Variants in SUZ12 observed in about 807,000 individuals in gnomAD.
The protein encoded by SUZ12 is SUZ12 polycomb repressive complex 2 subunit.
In SUZ12, 17 loss-of-function variants were observed where a neutral mutation model predicts 87.3. The observed-to-expected ratio is 0.19, with a 90% CI of 0.13 to 0.29. The LOEUF (loss-of-function observed/expected upper bound fraction) is 0.29, where lower values mean the gene tolerates loss of function less well. SUZ12 is among the 10% of genes least tolerant of loss of function. The pLI, the probability that SUZ12 is intolerant of heterozygous loss-of-function variation, is 1.00. For missense variants in SUZ12, 526 were observed against 912.2 expected (o/e 0.58, Z 5.45); for synonymous variants, 253 against 312.4 (o/e 0.81, Z 2.01).
chr17:31,957,934 G>T (rs1235771809), intron 4 of SUZ12, among the ~76,000 whole-genome samples: 44 of 93,346 alleles, frequency 4.7e-4, no homozygotes, highest in African/African-American at 1.6e-3. Flanking sequence ...ACAGAGTCTT[G>T]CTCTGTCGCC....
chr17:31,959,358 T>C (rs1475048298), intron 4 of SUZ12, among the ~76,000 whole-genome samples: 2 of 152,216 alleles, frequency 1.3e-5, no homozygotes, highest in African/African-American at 4.8e-5. Context: ...CTTTGTTTGC[T>C]TCACAGTACT....
At chr17:31,949,678 T>TTTTG (rs1173758666) in intron 4 of SUZ12, among the ~76,000 whole-genome samples, 3 of 34,020 alleles carry the variant, frequency 8.8e-5, no homozygotes, top group African/African-American at 4.6e-4. Flanking sequence ...CCCCCCCCCT[T>TTTTG]TTTTTTTTTT....
rs143334242 is a variant in SUZ12 at position 31,948,677 on chromosome 17, A to G, written c.455+992A>G. Among the ~76,000 whole-genome samples, 760 of 146,846 alleles carry G rather than the reference A, an allele frequency of 5.2e-3. 4 individuals are homozygous for G. The highest frequency in any genetic ancestry group is 0.017 in the African/African-American group (660 of 39,864). On this transcript the variant is annotated intron_variant, in intron 4 of 15. Coordinates refer to ENST00000322652, the MANE Select transcript of SUZ12 (RefSeq NM_015355.4). ...ATTAAGTGATTTTTTTACTTGGATT[A>G]TAAAATGATATTTTTTATTTTATAT...
intron 5 of SUZ12, 123 bp downstream of exon 5, chr17:31,966,319 T>A: frequency 1.1e-6 from 1 of 879,736 alleles, no homozygotes; most frequent in Non-Finnish European, 1.8e-6. Flanking sequence ...ATGTTGGTTC[T>A]GATGTTTTTG....
intron 4 of SUZ12, among the ~76,000 whole-genome samples, chr17:31,965,155 A>ATAT (rs544181942): frequency 6.6e-6 from 1 of 151,562 alleles, no homozygotes; most frequent in African/African-American, 2.4e-5. Context: ...TTAAAAAAAA[A>ATAT]ATATATATAT....
chr17:31,966,347 G>A (rs1475069497), intron 5 of SUZ12, 151 bp downstream of exon 5: 2 of 707,778 alleles, frequency 2.8e-6, no homozygotes, highest in Non-Finnish European at 4.7e-6. Flanking sequence ...AGGTATGAAG[G>A]CTAATGATGA....
At position 31,956,942 on chromosome 17, in the gene SUZ12, A is replaced by G. The variant is rs536276421; in HGVS notation, c.456-9205A>G. Among the ~76,000 whole-genome samples the G allele has an allele frequency of 6.6e-5, 10 of 152,116 alleles. No individual in the cohort carries two copies. In the South Asian group the frequency reaches 1.5e-3, roughly 22 times the overall value. On this transcript the variant is annotated intron_variant, in intron 4 of 15. Coordinates refer to ENST00000322652, the MANE Select transcript of SUZ12 (RefSeq NM_015355.4). ...AGGCATGTGCCACCACGCCCAGCTA[A>G]TGTTTGTATTTTTAGTAGAGACTAG...
intron 10 of SUZ12, among the ~76,000 whole-genome samples, chr17:31,990,422 G>T (rs1909663246): frequency 1.3e-5 from 2 of 151,872 alleles, no homozygotes; most frequent in African/African-American, 4.8e-5. Context: ...GCAGTGCGGT[G>T]ACGTGATCTC....
At chr17:31,963,572 C>T (rs187723827) in intron 4 of SUZ12, among the ~76,000 whole-genome samples, 400 of 151,742 alleles carry the variant, frequency 2.6e-3, no homozygotes, top group African/African-American at 8.2e-3. Context: ...ATCTTGGTCA[C>T]TGCCACCTCC....
rs771704089 is a variant in SUZ12, at chr17:31,998,743, C to A, written c.1960C>A (p.Arg654=). ...GQKIIKKNLC[R]NFMLHLVSMH... ...GAAAATAATTAAGAAGAATTTATGT[C>A]GAAACTTCATGCTTCATCTAGTCAG... is the stretch of plus-strand genomic sequence containing the variant. Residue 654 remains arginine, a synonymous_variant, in exon 16 of 16, where the codon CGA becomes AGA. Transcript: ENST00000322652. The A allele has an allele frequency of 1.9e-6, 3 of 1,607,020 alleles. No individual in the cohort carries two copies. Among genetic ancestry groups the A allele is most frequent in the South Asian group, 2.2e-5 (2 of 89,738 alleles).
chr17:31,977,602 GAA>G (rs1908835184), intron 8 of SUZ12, among the ~76,000 whole-genome samples: 1 of 151,086 alleles, frequency 6.6e-6, no homozygotes, highest in Non-Finnish European at 1.5e-5. Context: ...TTTAAAAAAA[GAA>G]AGAAGGCCGG....
rs796603557 is a variant in SUZ12 at position 31,975,844 on chromosome 17, A to T, written c.823+131A>T. On this transcript the variant is annotated intron_variant, in intron 7 of 15. Coordinates refer to ENST00000322652, the MANE Select transcript of SUZ12 (RefSeq NM_015355.4). ...AAACAGTGAATTCACCTCCACCTCA[A>T]CATTTTGTTGTGCAAATTTTCAAAC... is the stretch of plus-strand genomic sequence containing the variant. The T allele has an allele frequency of 4.2e-6, 3 of 707,866 alleles. No individual in the cohort carries two copies. In the South Asian group the frequency reaches 6.3e-5, roughly 15 times the overall value. 43.8% of individuals were successfully genotyped at this position (707,866 alleles called of 1,614,324 possible). A position where few individuals can be genotyped will look rare whatever the true frequency, so the allele number is the denominator to read the frequency against.
rs180833070 is a variant in SUZ12, at chr17:31,979,066, G to A, written c.917+2452G>A. ...GGTTACAGTGAGTTGAGATCGCGCCGCTGCACTCCAGCCTGGTGACAGCGA... is the reference window on the plus strand; with the variant it reads ...GGTTACAGTGAGTTGAGATCGCGCCACTGCACTCCAGCCTGGTGACAGCGA... On this transcript the variant is annotated intron_variant, in intron 8 of 15. Coordinates refer to ENST00000322652, the MANE Select transcript of SUZ12 (RefSeq NM_015355.4). 7.3e-3 allele frequency among the ~76,000 whole-genome samples: 985 copies of A among 134,934 alleles called. 6 individuals carry two copies. The highest frequency in any genetic ancestry group is 8.3e-3 in the Non-Finnish European group (542 of 65,318). The allele number at this position is 134,934 out of a possible 152,430, so 88.5% of individuals were successfully genotyped here.
chr17:31,942,357 C>CA (rs979635724), intron 3 of SUZ12, among the ~76,000 whole-genome samples: 4 of 148,736 alleles, frequency 2.7e-5, no homozygotes, highest in Non-Finnish European at 4.5e-5. Context: ...TTTTTTGAGA[C>CA]AGAGTTTCAC....
rs776589809 is a variant in SUZ12 at position 31,993,346 on chromosome 17, G to A, written c.1293+13G>A. 1.3e-5 allele frequency: 19 copies of A among 1,477,906 alleles called. No individual in the cohort carries two copies. Among genetic ancestry groups the A allele is most frequent in the Non-Finnish European group, 1.7e-5 (18 of 1,081,210 alleles). The allele number at this position is 1,477,906 out of a possible 1,614,324, so 91.5% of individuals were successfully genotyped here. A position where few individuals can be genotyped will look rare whatever the true frequency, so the allele number is the denominator to read the frequency against. On this transcript the variant is annotated intron_variant, in intron 11 of 15. Coordinates refer to ENST00000322652, the MANE Select transcript of SUZ12 (RefSeq NM_015355.4). Reference sequence around the variant, plus strand: ...AATATTTTATCAGGTAAACATAGCTGACCCTTCTTAAAGTAATTATGAAAT... The same window carrying A: ...AATATTTTATCAGGTAAACATAGCTAACCCTTCTTAAAGTAATTATGAAAT...
intron 8 of SUZ12, among the ~76,000 whole-genome samples, chr17:31,980,965 G>C (rs1430814178): frequency 2.0e-5 from 3 of 151,932 alleles, no homozygotes; most frequent in Non-Finnish European, 4.4e-5. Flanking sequence ...CCAGGAGTCT[G>C]AGGCTGTAGT....
At chr17:31,981,773 C>T (rs1353002196) in intron 8 of SUZ12, among the ~76,000 whole-genome samples, 5 of 152,248 alleles carry the variant, frequency 3.3e-5, no homozygotes, top group East Asian at 1.9e-4. Context: ...TGGCTATTTA[C>T]GGTTTGATTT....
At chr17:31,937,615 A>G (rs1439663561) in intron 1 of SUZ12, 95 bp downstream of exon 1, 6 of 1,483,088 alleles carry the variant, frequency 4.0e-6, no homozygotes, top group South Asian at 1.2e-5. Context: ...TCGGGAGTCC[A>G]CTTGTGTGGT....
intron 8 of SUZ12, among the ~76,000 whole-genome samples, chr17:31,981,048 A>C (rs1909075158): frequency 6.6e-6 from 1 of 152,024 alleles, no homozygotes. Flanking sequence ...CAAAAAATCC[A>C]GTTAATTCCT....
Sources: allele counts gnomAD v4.1 joint callset (sites outside exome capture counted in the v4.1 genomes callset), GRCh38; gene constraint gnomAD v4.1.1; transcripts MANE v1.5; gene names NCBI Gene and HGNC (gene_info 2026-07-23, HGNC 2026-07-21).